The following FAM47E variants were observed in gnomAD, a reference collection of about 807,000 sequenced individuals.
FAM47E encodes the protein protein FAM47E.
In FAM47E, 32 loss-of-function variants were observed where a neutral mutation model predicts 41.6. The observed-to-expected ratio is 0.77, with a 90% confidence interval of 0.58 to 1.03. The LOEUF (loss-of-function observed/expected upper bound fraction) is 1.03, where lower values mean the gene tolerates loss of function less well. Among genes scored for constraint, FAM47E ranks in the 50% least tolerant of loss-of-function variants. The pLI is 0.00. For missense variants in FAM47E, 424 were observed against 485.4 expected, an observed-to-expected ratio of 0.87 and a Z score of 1.19; for synonymous variants, 184 against 188.7, an observed-to-expected ratio of 0.98 and a Z score of 0.20.
chr4:76,275,010 A>T (rs1364190077), intron 5 of FAM47E, among the ~76,000 whole-genome samples: 3 of 152,212 alleles, frequency 2.0e-5, no homozygotes, highest in Non-Finnish European at 4.4e-5. Flanking sequence ...TTGTCACTCA[A>T]GGATCACTAT....
intron 6 of FAM47E, chr4:76,278,853 AT>A (rs1175099281): frequency 2.6e-5 from 4 of 152,260 alleles, no homozygotes; most frequent in Non-Finnish European, 5.9e-5. Context: ...GGCCCTGGAA[AT>A]TTGGAAATAG....
At chr4:76,221,920 GA>G (rs1184895154) in intron 2 of FAM47E, among the ~76,000 whole-genome samples, 3 of 152,022 alleles carry the variant, frequency 2.0e-5, no homozygotes, top group South Asian at 2.1e-4. Flanking sequence ...AAAATCAAAG[GA>G]AAAAAATGCG....
At chr4:76,255,749 A>G (rs968170830) in intron 1 of FAM47E, among the ~76,000 whole-genome samples, 1 of 152,154 alleles carries the variant, frequency 6.6e-6, no homozygotes, top group Non-Finnish European at 1.5e-5. Flanking sequence ...ATTTACATAG[A>G]GTGACATGGA....
intron 2 of FAM47E, among the ~76,000 whole-genome samples, chr4:76,219,444 T>C (rs569981452): frequency 6.6e-6 from 1 of 152,268 alleles, no homozygotes; most frequent in Admixed American, 6.5e-5. Flanking sequence ...TTAAACTCAC[T>C]GTGGCAAAGC....
At chr4:76,263,477 T>C (rs1006861022) in intron 2 of FAM47E, among the ~76,000 whole-genome samples, 5 of 152,332 alleles carry the variant, frequency 3.3e-5, no homozygotes, top group Non-Finnish European at 7.4e-5. Context: ...TTTTAGACTT[T>C]AGGGATTATG....
intron 2 of FAM47E, among the ~76,000 whole-genome samples, chr4:76,227,507 T>C (rs576216329): frequency 1.8e-4 from 27 of 152,342 alleles, no homozygotes; most frequent in Admixed American, 1.5e-3. Context: ...CAAAAATGAA[T>C]ATTCTGCAGT....
chr4:76,248,060 G>A (rs931290599), upstream of FAM47E, among the ~76,000 whole-genome samples: 5 of 151,468 alleles, frequency 3.3e-5, no homozygotes, highest in South Asian at 2.1e-4. Flanking sequence ...GACTACAGGC[G>A]CCCACCACCA....
intron 2 of FAM47E, among the ~76,000 whole-genome samples, chr4:76,237,395 A>G (rs1442988686): frequency 4.1e-5 from 6 of 145,716 alleles, no homozygotes; most frequent in Non-Finnish European, 9.0e-5. Context: ...TTTGGTTTAC[A>G]AGGTAAAAGT....
At chr4:76,270,824 T>C (rs2110019218) in intron 4 of FAM47E, among the ~76,000 whole-genome samples, 1 of 152,158 alleles carries the variant, frequency 6.6e-6, no homozygotes, top group East Asian at 1.9e-4. Context: ...TGCTGTTTGT[T>C]TATTTTTCAC....
At chr4:76,239,031 C>T (rs564418040) in intron 2 of FAM47E, among the ~76,000 whole-genome samples, 1 of 152,262 alleles carries the variant, frequency 6.6e-6, no homozygotes, top group African/African-American at 2.4e-5. Context: ...AACATAATGT[C>T]CTCAAGATTC....
chr4:76,267,817 A>G (rs752478695), intron 3 of FAM47E: 1 of 152,274 alleles, frequency 6.6e-6, no homozygotes, highest in African/African-American at 2.4e-5. Context: ...TTCCATTCAG[A>G]TGAAATATCC....
At chr4:76,222,234 T>C (rs1250798238) in intron 2 of FAM47E, among the ~76,000 whole-genome samples, 4 of 151,990 alleles carry the variant, frequency 2.6e-5, no homozygotes, top group African/African-American at 9.7e-5. Context: ...CTTCTTTTTT[T>C]TTTTTTTTCT....
rs141765223 is a variant in FAM47E, at chr4:76,253,936, A to G, written c.74+2116A>G. 4.1e-3 allele frequency among the ~76,000 whole-genome samples: 625 copies of G among 152,062 alleles called. 6 individuals carry two copies. The highest frequency in any genetic ancestry group is 0.014 in the African/African-American group (596 of 41,438). On this transcript the variant is annotated intron_variant, in intron 1 of 7. Transcript: ENST00000424749. ...AGACCAGCCTGGGCAACATAGCAAGACCCTGTCTCCTCTCTCTACAAAAGC... is the reference window on the plus strand; with the variant it reads ...AGACCAGCCTGGGCAACATAGCAAGGCCCTGTCTCCTCTCTCTACAAAAGC...
chr4:76,230,348 G>A (rs1248580260), intron 2 of FAM47E, among the ~76,000 whole-genome samples: 2 of 152,098 alleles, frequency 1.3e-5, no homozygotes, highest in East Asian at 3.9e-4. Flanking sequence ...TGGTGAGGCT[G>A]GTCTTGCTCG....
At chr4:76,229,837 A>G (rs1227781237) in intron 2 of FAM47E, among the ~76,000 whole-genome samples, 1 of 152,152 alleles carries the variant, frequency 6.6e-6, no homozygotes, top group Non-Finnish European at 1.5e-5. Context: ...TGAAGTTTTT[A>G]TGTGGACAGA....
intron 2 of FAM47E, among the ~76,000 whole-genome samples, chr4:76,226,720 CAG>C (rs1350071456): frequency 1.3e-5 from 2 of 152,198 alleles, no homozygotes; most frequent in South Asian, 2.1e-4. Context: ...CTGGTCTGTT[CAG>C]AGTTTCCATT....
chr4:76,278,392 G>A, intron 6 of FAM47E, 168 bp downstream of exon 6: 1 of 681,442 alleles, frequency 1.5e-6, no homozygotes, highest in Non-Finnish European at 2.1e-6. Flanking sequence ...TAAGGAGAAT[G>A]TGTAATAAGC....
At chr4:76,265,568 T>A (rs2110014355) in intron 3 of FAM47E, among the ~76,000 whole-genome samples, 1 of 152,056 alleles carries the variant, frequency 6.6e-6, no homozygotes, top group East Asian at 1.9e-4. Flanking sequence ...ACAGGGCTCC[T>A]AAAACCCTTG....
chr4:76,256,586 A>C (rs1251219439), intron 2 of FAM47E, 63 bp downstream of exon 2: 3 of 1,460,286 alleles, frequency 2.1e-6, no homozygotes, highest in Non-Finnish European at 9.1e-7. Context: ...TTCTATCTAA[A>C]TGTCTAGGAA....
Sources: gnomAD v4.1 joint callset for allele counts (sites outside exome capture counted in the v4.1 genomes callset) on GRCh38, gnomAD v4.1.1 for gene constraint, MANE v1.5 for transcripts, NCBI Gene and HGNC (gene_info 2026-07-23, HGNC 2026-07-21) for gene names.